NUSAP1: variants seen among roughly 807,000 people sequenced by gnomAD.
NUSAP1 encodes nucleolar and spindle-associated protein 1.
In NUSAP1, 32 loss-of-function variants were observed where a neutral mutation model predicts 52.8. The ratio of observed to expected loss-of-function variants is 0.61; its 90% CI spans 0.46 to 0.81. The LOEUF (loss-of-function observed/expected upper bound fraction) is 0.81, where lower values mean the gene tolerates loss of function less well. Among genes scored for constraint, NUSAP1 ranks in the 40% least tolerant of loss-of-function variants. The pLI, the probability that NUSAP1 is intolerant of heterozygous loss-of-function variation, is 0.00. For synonymous variants in NUSAP1, 195 were observed against 183.1 expected (o/e 1.06, Z -0.52); for missense variants, 499 against 522.3 (o/e 0.96, Z 0.43).
intron 7 of NUSAP1, 36 bp from the exon 8 acceptor site, chr15:41,371,491 C>T (rs1236324220): frequency 6.6e-7 from 1 of 1,513,502 alleles, no homozygotes; most frequent in Non-Finnish European, 8.8e-7. Flanking sequence ...ACTCTTGCCA[C>T]AGTACTCATG....
chr15:41,334,598 T>C (rs1205400640), intron 1 of NUSAP1, among the ~76,000 whole-genome samples: 1 of 152,222 alleles, frequency 6.6e-6, no homozygotes, highest in African/African-American at 2.4e-5. Context: ...GAATCTTTTA[T>C]CCAAGGCTGC....
intron 2 of NUSAP1, among the ~76,000 whole-genome samples, chr15:41,348,885 G>A (rs549801701): frequency 6.7e-6 from 1 of 149,378 alleles, no homozygotes; most frequent in South Asian, 2.1e-4. Flanking sequence ...CACTCGCCTC[G>A]GTCTCCCAAA....
intron 1 of NUSAP1, among the ~76,000 whole-genome samples, chr15:41,341,925 C>A (rs1279236275): frequency 6.6e-6 from 1 of 152,220 alleles, no homozygotes; most frequent in African/African-American, 2.4e-5. Context: ...CAAACAGGTC[C>A]ATGTTCCAGC....
chr15:41,359,193 C>T (rs1015953935), intron 6 of NUSAP1, among the ~76,000 whole-genome samples: 6 of 152,182 alleles, frequency 3.9e-5, no homozygotes, highest in South Asian at 2.1e-4. Flanking sequence ...TCTCCTTGAA[C>T]GCCTAGGCTC....
rs1025533075 is a variant in NUSAP1 at position 41,371,694 on chromosome 15, A to C, written c.1006+10A>C. 1.2e-5 allele frequency: 19 copies of C among 1,579,322 alleles called. No individual in the cohort carries two copies. Among genetic ancestry groups the C allele is most frequent in the Non-Finnish European group, 1.4e-5 (16 of 1,170,818 alleles). ...GGGAATTCTGCTGCTGGTAAAAAAA[A>C]AAAAAAACAAAAGAAATCTGTTTCA... On this transcript the variant is annotated intron_variant, in intron 8 of 10. Coordinates refer to ENST00000559596, the MANE Select transcript of NUSAP1 (RefSeq NM_016359.5).
At chr15:41,363,025 G>T (rs965302306) in intron 6 of NUSAP1, among the ~76,000 whole-genome samples, 2 of 151,868 alleles carry the variant, frequency 1.3e-5, no homozygotes, top group South Asian at 4.1e-4. Context: ...AGTGGCTCAC[G>T]CCTGTAATCC....
chr15:41,346,174 C>A (rs375410613), intron 2 of NUSAP1, among the ~76,000 whole-genome samples: 8 of 152,064 alleles, frequency 5.3e-5, no homozygotes, highest in African/African-American at 1.7e-4. Flanking sequence ...CTCCTGACCT[C>A]AAGTGATGTG....
chr15:41,334,715 T>C (rs918964445), intron 1 of NUSAP1, among the ~76,000 whole-genome samples: 2 of 151,982 alleles, frequency 1.3e-5, no homozygotes, highest in Admixed American at 6.6e-5. Context: ...TGTGTGTGTG[T>C]GTGTGTATTT....
intron 2 of NUSAP1, among the ~76,000 whole-genome samples, chr15:41,344,399 G>T (rs1173235339): frequency 1.3e-5 from 2 of 151,630 alleles, no homozygotes; most frequent in East Asian, 3.9e-4. Context: ...AGCACTTTGG[G>T]AGGCTGAGGC....
rs1471358188 is a variant in NUSAP1, at chr15:41,365,565, T to C, written c.824T>C (p.Ile275Thr). ...GLKGSLKRSA[I>T]SAAKTGVRFS... Reference sequence around the variant, plus strand: ...AAGGGGTCACTCAAGCGCTCTGCTATCTCTGCAGCTAAAACGGGTGTCAGG... The same window carrying C: ...AAGGGGTCACTCAAGCGCTCTGCTACCTCTGCAGCTAAAACGGGTGTCAGG... Residue 275 changes from isoleucine to threonine, a missense_variant, in exon 7 of 11, where the codon ATC (isoleucine) becomes ACC (threonine). By Grantham distance (89) the Ile-to-Thr change is moderately conservative (BLOSUM62 -1). Coordinates refer to ENST00000559596, the MANE Select transcript of NUSAP1 (RefSeq NM_016359.5). 2 of 1,605,028 alleles carry C rather than the reference T, an allele frequency of 1.2e-6. No homozygotes were observed. The highest frequency in any genetic ancestry group is 1.7e-6 in the Non-Finnish European group (2 of 1,173,698).
intron 6 of NUSAP1, among the ~76,000 whole-genome samples, chr15:41,362,691 A>G (rs968748860): frequency 6.6e-6 from 1 of 151,910 alleles, no homozygotes; most frequent in Non-Finnish European, 1.5e-5. Flanking sequence ...CGGCCTCCCA[A>G]AATGCTGGGA....
intron 4 of NUSAP1, among the ~76,000 whole-genome samples, chr15:41,351,598 C>T (rs1256673617): frequency 6.6e-6 from 1 of 152,114 alleles, no homozygotes. Flanking sequence ...CCAGCCTGGG[C>T]AACATGGTGA....
Position 41,342,448 on chromosome 15 carries a change from GA to G in NUSAP1, c.158del (p.Asn53IlefsTer56), listed in dbSNP as rs1180309938. 1 of 1,584,950 alleles carries G rather than the reference GA, an allele frequency of 6.3e-7. No homozygotes were observed. The highest frequency in any genetic ancestry group is 1.8e-5 in the Admixed American group (1 of 55,066). Reference sequence around the variant, plus strand: ...AACATGAGGCAAGAAAAGGAAATGAGAATCAGGTGAGTAATGTTTTTCATGT... The same window carrying G: ...AACATGAGGCAAGAAAAGGAAATGAGATCAGGTGAGTAATGTTTTTCATGT... Reference protein sequence around the residue: ...IKHEARKGNENQDESQTSASS... With the variant: ...IKHEARKGNEXQDESQTSASS... On this transcript the variant is annotated frameshift_variant, in exon 2 of 11. Transcript: ENST00000559596. LOFTEE classifies it high-confidence loss of function.
chr15:41,352,577 TTTTATTTA>T (rs553552420), intron 4 of NUSAP1, among the ~76,000 whole-genome samples: 4 of 151,766 alleles, frequency 2.6e-5, no homozygotes, highest in South Asian at 2.1e-4. Flanking sequence ...AATTTTTAAT[TTTTATTTA>T]TTTATTTATT....
At chr15:41,333,161 C>T in intron 1 of NUSAP1, 111 bp downstream of exon 1, 2 of 766,848 alleles carry the variant, frequency 2.6e-6, no homozygotes, top group South Asian at 3.1e-5. Context: ...GCAGCTCTCC[C>T]TGCCCCTCGG....
chr15:41,377,144 G>A, intron 9 of NUSAP1, 52 bp from the exon 10 acceptor site: 1 of 919,502 alleles, frequency 1.1e-6, no homozygotes, highest in Non-Finnish European at 1.7e-6. Context: ...ATGAAGTTGG[G>A]AATATAAATC....
At chr15:41,374,650 C>T (rs1260751549) in intron 8 of NUSAP1, among the ~76,000 whole-genome samples, 3 of 151,744 alleles carry the variant, frequency 2.0e-5, no homozygotes, top group Non-Finnish European at 4.4e-5. Flanking sequence ...GCCTCAGCTT[C>T]CTGAGTAGCT....
In NUSAP1 at chr15:41,365,499, GC is replaced by G; in HGVS notation, c.760del (p.Arg254GlyfsTer13). 1 of 1,612,810 alleles carries G rather than the reference GC, an allele frequency of 6.2e-7. No homozygotes were observed. The highest frequency in any genetic ancestry group is 8.5e-7 in the Non-Finnish European group (1 of 1,179,440). ...STPISQRRSQ[G>X]RSCGPASQST... ...CCCATCAGCCAACGACGCTCGCAAG[GC>G]CGGTCTTGTGGCCCTGCAAGTCAGA... On this transcript the variant is annotated frameshift_variant, in exon 7 of 11. Transcript: ENST00000559596. LOFTEE classifies it high-confidence loss of function.
At chr15:41,335,692 A>G (rs1352503996) in intron 1 of NUSAP1, among the ~76,000 whole-genome samples, 3 of 142,418 alleles carry the variant, frequency 2.1e-5, no homozygotes, top group Admixed American at 1.4e-4. Context: ...TAAATATAGT[A>G]TGTATGTTTA....
Sources: allele counts gnomAD v4.1 joint callset (sites outside exome capture counted in the v4.1 genomes callset), GRCh38; gene constraint gnomAD v4.1.1; transcripts MANE v1.5; gene names NCBI Gene and HGNC (gene_info 2026-07-23, HGNC 2026-07-21).